Variants in CLASP2 observed in about 807,000 individuals in gnomAD.
The protein encoded by CLASP2 is cytoplasmic linker associated protein 2, also known as CLIP-associating protein 2.
A neutral mutation model predicts 194.4 loss-of-function variants in CLASP2; 47 were observed. The ratio of observed to expected loss-of-function variants is 0.24; its 90% CI spans 0.19 to 0.31. The LOEUF (loss-of-function observed/expected upper bound fraction) is 0.31. Among genes scored for constraint, CLASP2 ranks in the 10% least tolerant of loss-of-function variants. The pLI, the probability that CLASP2 is intolerant of heterozygous loss-of-function variation, is 1.00. For missense variants in CLASP2, 1,445 were observed against 1,823.6 expected (o/e 0.79, Z 3.78); for synonymous variants, 619 against 633.5 (o/e 0.98, Z 0.34).
At chr3:33,564,047 C>T in intron 27 of CLASP2, 1 of 400,094 alleles carries the variant, frequency 2.5e-6, no homozygotes, top group Admixed American at 3.2e-5. Context: ...TGACTTAGAA[C>T]TCACAGAGGG....
At chr3:33,584,284 T>G (rs2154215562) in intron 22 of CLASP2, among the ~76,000 whole-genome samples, 1 of 144,718 alleles carries the variant, frequency 6.9e-6, no homozygotes, top group African/African-American at 2.6e-5. Flanking sequence ...TGTTTTGGGT[T>G]TTTTTTTTTT....
rs2073914887 is a variant in CLASP2, at chr3:33,606,649, T to C, written c.1636A>G (p.Ser546Gly). 6.2e-7 allele frequency: 1 copy of C among 1,613,788 alleles called. No individual in the cohort carries two copies. Among genetic ancestry groups the C allele is most frequent in the African/African-American group, 1.3e-5 (1 of 75,046 alleles). ...SLQTYLKSSG[S>G]VASLPQSDRS... ...TCTGATTGTGGAAGAGATGCTACAC[T>C]GCCAGAACTCTTTAAGTAAGTTTGA... Residue 546 changes from serine to glycine, a missense_variant, in exon 16 of 39, where the codon AGT (serine) becomes GGT (glycine). Physicochemically the swap from Ser to Gly is moderately conservative, Grantham distance 56. Transcript: ENST00000682230.
At chr3:33,712,949 G>A (rs907922907) in intron 1 of CLASP2, among the ~76,000 whole-genome samples, 1 of 134,298 alleles carries the variant, frequency 7.4e-6, no homozygotes, top group Non-Finnish European at 1.5e-5. Flanking sequence ...CAAGAGCAAA[G>A]ACCTGAGCAA....
At chr3:33,667,406 C>CAAAAAAAAAAAAAAAGAA (rs2086380787) in intron 6 of CLASP2, among the ~76,000 whole-genome samples, 1 of 44,148 alleles carries the variant, frequency 2.3e-5, no homozygotes, top group African/African-American at 1.1e-4. Flanking sequence ...GAGACTATCT[C>CAAAAAAAAAAAAAAAGAA]AAAAAAAAAA....
At chr3:33,550,300 G>A (rs1001911825) in intron 30 of CLASP2, among the ~76,000 whole-genome samples, 1 of 148,654 alleles carries the variant, frequency 6.7e-6, no homozygotes, top group Non-Finnish European at 1.5e-5. Flanking sequence ...GGAGGCTAAG[G>A]CATGAGAATC....
chr3:33,501,822 C>T (rs1032633796), intron 37 of CLASP2, 54 bp from the exon 38 acceptor site: 2 of 1,081,990 alleles, frequency 1.8e-6, no homozygotes, highest in South Asian at 2.5e-5. Context: ...GTTAGTACTC[C>T]CTTTTTAACA....
In CLASP2 at chr3:33,501,664, A is replaced by C. The variant is rs2046884472; in HGVS notation, c.4422T>G (p.Leu1474=). Residue 1474 remains leucine (L), a synonymous_variant, in exon 38 of 39, where the codon CTT becomes CTG. Transcript: ENST00000682230. ...CAGCACTACTTACTTTACTGCCAGT[A>C]AGTTGACTGAGATGTGGTTTTAGTT... ...GDELKPHLSQ[L]TGSKMKLLNL... 1 of 1,608,440 alleles carries C rather than the reference A, an allele frequency of 6.2e-7. No individual in the cohort carries two copies. The highest frequency in any genetic ancestry group is 2.2e-5 in the East Asian group (1 of 44,864).
chr3:33,595,376 T>G (rs1352859138), intron 19 of CLASP2, among the ~76,000 whole-genome samples: 1 of 152,042 alleles, frequency 6.6e-6, no homozygotes, highest in Non-Finnish European at 1.5e-5. Context: ...AGGTAGCCCA[T>G]GAAGGAATCA....
intron 21 of CLASP2, chr3:33,592,120 G>T: frequency 1.5e-6 from 1 of 689,224 alleles, no homozygotes; most frequent in South Asian, 1.5e-5. Context: ...TATCAATGAT[G>T]CAGCCCTAAT....
chr3:33,540,044 T>C (rs1436012905), intron 32 of CLASP2, among the ~76,000 whole-genome samples: 1 of 151,226 alleles, frequency 6.6e-6, no homozygotes, highest in African/African-American at 2.4e-5. Context: ...CAGCCTCACC[T>C]CAGCCTCCCG....
intron 15 of CLASP2, 98 bp from the exon 16 acceptor site, chr3:33,606,856 G>T: frequency 2.4e-6 from 2 of 841,818 alleles, no homozygotes; most frequent in Non-Finnish European, 3.7e-6. Context: ...TAAGCCCACT[G>T]GTTTTCAGCA....
chr3:33,529,833 CCGGGCGCAGTGG>C (rs2055710579), intron 34 of CLASP2, among the ~76,000 whole-genome samples: 1 of 151,980 alleles, frequency 6.6e-6, no homozygotes, highest in Middle Eastern at 3.2e-3. Context: ...TACAAAAAAG[CCGGGCGCAGTGG>C]CGGGCGCCTG....
intron 6 of CLASP2, among the ~76,000 whole-genome samples, chr3:33,672,577 G>GATGT (rs1465341900): frequency 6.6e-6 from 1 of 152,170 alleles, no homozygotes; most frequent in Non-Finnish European, 1.5e-5. Flanking sequence ...CACCAGCAAC[G>GATGT]GAACAAAGCT....
intron 2 of CLASP2, among the ~76,000 whole-genome samples, chr3:33,695,264 T>C (rs2091768268): frequency 7.3e-6 from 1 of 137,862 alleles, no homozygotes. Context: ...TCTCACTCTA[T>C]TGCCCAGGCT....
rs2093371701 is a variant in CLASP2, at chr3:33,717,922, C to T, written c.81G>A (p.Glu27=). ...CGGGGGCGCCAAGGTAGAGCAGGAG[C>T]TCCTGGCCGACCTGCAGCCGGCCGC... ...DVGGRLQVGQ[E]LLLYLGAPGA... Residue 27 remains glutamate, a synonymous_variant, in exon 1 of 39, where the codon GAG becomes GAA. Coordinates refer to ENST00000682230, the MANE Select transcript of CLASP2 (RefSeq NM_001365631.1). 1 of 1,551,552 alleles carries T rather than the reference C, an allele frequency of 6.4e-7. No individual in the cohort carries two copies. Among genetic ancestry groups the T allele is most frequent in the East Asian group, 2.4e-5 (1 of 41,184 alleles).
At chr3:33,538,635 A>G (rs758370360) in intron 33 of CLASP2, among the ~76,000 whole-genome samples, 154 bp downstream of exon 33, 20 of 152,358 alleles carry the variant, frequency 1.3e-4, no homozygotes, top group South Asian at 4.1e-4. Flanking sequence ...TGCCTCAAAC[A>G]GTGCCTGGTA....
intron 7 of CLASP2, among the ~76,000 whole-genome samples, chr3:33,649,297 G>A (rs530242927): frequency 2.0e-5 from 3 of 152,184 alleles, no homozygotes; most frequent in African/African-American, 7.2e-5. Flanking sequence ...TTTTTTCCTA[G>A]CACTTATCAT....
rs565169796 is a variant in CLASP2, at chr3:33,571,035, A to C, written c.2700-245T>G. Among the ~76,000 whole-genome samples, 6 of 89,928 alleles carry C rather than the reference A, an allele frequency of 6.7e-5. 1 individual carries two copies. Among genetic ancestry groups the C allele is most frequent in the Non-Finnish European group, 1.3e-4 (6 of 46,058 alleles). The allele number at this position is 89,928 out of a possible 152,430, so 59.0% of individuals were successfully genotyped here. A position where few individuals can be genotyped will look rare whatever the true frequency, so the allele number is the denominator to read the frequency against. On this transcript the variant is annotated intron_variant, in intron 25 of 38. Transcript: ENST00000682230. ...TATAAATTTTTTTTTTTTTTTTTTG[A>C]GACGGAGTCTCGCTGTCGCCCAGGC...
chr3:33,545,046 G>A (rs1057250658), intron 30 of CLASP2: 13 of 396,338 alleles, frequency 3.3e-5, no homozygotes, highest in Non-Finnish European at 5.3e-5. Flanking sequence ...AAGGTAAGAA[G>A]GGAATATGAA....
Sources: gnomAD v4.1 joint callset for allele counts (sites outside exome capture counted in the v4.1 genomes callset) on GRCh38, gnomAD v4.1.1 for gene constraint, MANE v1.5 for transcripts, NCBI Gene and HGNC (gene_info 2026-07-23, HGNC 2026-07-21) for gene names.